TG: variants seen among roughly 807,000 people sequenced by gnomAD.
TG encodes the protein thyroglobulin.
In TG, 270 loss-of-function variants were observed where a neutral mutation model predicts 324.7. The ratio of observed to expected loss-of-function variants is 0.83; its 90% CI spans 0.75 to 0.92. The LOEUF is 0.92. Ranked by LOEUF, TG falls within the 40% of genes least tolerant of loss-of-function variation. TG has a pLI of 0.00. For synonymous variants in TG, 1,401 were observed against 1,327.0 expected (o/e 1.06, Z -1.21); for missense variants, 3,591 against 3,456.4 (o/e 1.04, Z -0.98).
chr8:132,894,046 G>A (rs1405263558), intron 11 of TG, 117 bp downstream of exon 11: 12 of 1,530,782 alleles, frequency 7.8e-6, no homozygotes, highest in African/African-American at 2.7e-5. Context: ...AGACTGATGG[G>A]TTCTTGGGAA....
chr8:132,913,252 C>A lies in TG; in HGVS notation c.4365C>A (p.Asp1455Glu). The A allele has an allele frequency of 6.2e-7, 1 of 1,614,110 alleles. No individual in the cohort carries two copies. Among genetic ancestry groups the A allele is most frequent in the Non-Finnish European group, 8.5e-7 (1 of 1,180,008 alleles). The change falls in exon 20 of 48, where the codon GAC becomes GAA. Residue 1455 changes from aspartate (D) to glutamate (E), a missense_variant. By Grantham distance (45) the Asp-to-Glu change is conservative. Coordinates refer to ENST00000220616, the MANE Select transcript of TG (RefSeq NM_003235.5). ...TCTTGACAAGTGAGGCCAGTCAGGA[C>A]GGACTGGGATGCGGTAGGTCCACTC... ...YQVLTSEASQ[D>E]GLGCVKCPEG... is the part of the protein sequence containing the mutation.
At chr8:133,125,971 A>G (rs1231778023) in intron 45 of TG, among the ~76,000 whole-genome samples, 4 of 152,266 alleles carry the variant, frequency 2.6e-5, no homozygotes, top group East Asian at 1.9e-4. Context: ...TCACTGAAAC[A>G]TCAGTTATCT....
At chr8:133,128,337 G>GACACACACA (rs1554730498) in intron 45 of TG, among the ~76,000 whole-genome samples, 1 of 133,728 alleles carries the variant, frequency 7.5e-6, no homozygotes, top group Non-Finnish European at 1.6e-5. Flanking sequence ...CAAAAGGCGT[G>GACACACACA]CACACACACA....
At chr8:133,102,438 C>T (rs964845219) in intron 43 of TG, 32 of 897,114 alleles carry the variant, frequency 3.6e-5, no homozygotes, top group Middle Eastern at 3.0e-4. Flanking sequence ...AGACCAAAGA[C>T]GGAGGGTGGG....
intron 41 of TG, among the ~76,000 whole-genome samples, chr8:133,084,597 A>G (rs1452410007): frequency 6.6e-6 from 1 of 152,228 alleles, no homozygotes; most frequent in East Asian, 1.9e-4. Context: ...ATTAGGCTTC[A>G]TGTTTGTAAC....
At chr8:132,993,242 G>C (rs1832547302) in intron 35 of TG, among the ~76,000 whole-genome samples, 1 of 152,192 alleles carries the variant, frequency 6.6e-6, no homozygotes, top group Non-Finnish European at 1.5e-5. Flanking sequence ...AACTTTTGTT[G>C]AAGAAATGAA....
chr8:132,913,323 G>C (rs1819803801), intron 20 of TG, 58 bp downstream of exon 20: 1 of 1,549,946 alleles, frequency 6.5e-7, no homozygotes, highest in African/African-American at 1.4e-5. Context: ...TTTAGGAAAG[G>C]CCACCTCAGC....
At chr8:133,085,599 C>G (rs1469644249) in intron 41 of TG, among the ~76,000 whole-genome samples, 1 of 152,014 alleles carries the variant, frequency 6.6e-6, no homozygotes. Context: ...ATAAGCATAG[C>G]AAAAGATTCT....
chr8:133,123,629 G>A (rs1851308069), intron 45 of TG, among the ~76,000 whole-genome samples: 2 of 152,104 alleles, frequency 1.3e-5, no homozygotes, highest in Admixed American at 6.6e-5. Flanking sequence ...GGCCTTTAAA[G>A]GTCCAGGTAT....
intron 41 of TG, among the ~76,000 whole-genome samples, chr8:133,058,795 G>T (rs1431676221): frequency 2.0e-5 from 3 of 152,218 alleles, no homozygotes; most frequent in African/African-American, 7.2e-5. Context: ...CTTGTCATCT[G>T]GTTCCACCTC....
chr8:133,039,170 C>T lies in TG; in HGVS notation c.7239+9147C>T, dbSNP rs76312759. Among the ~76,000 whole-genome samples, 20 of 152,324 alleles carry T rather than the reference C, an allele frequency of 1.3e-4. No individual in the cohort carries two copies. The East Asian group carries it at 2.1e-3, about 16-fold the overall frequency. On this transcript the variant is annotated intron_variant, in intron 41 of 47. Transcript: ENST00000220616. Reference sequence around the variant, plus strand: ...CTGGGGTTACAGGCGTGAGCCACCGCGCCTGGCCCTAACTTACTATTCTAG... The same window carrying T: ...CTGGGGTTACAGGCGTGAGCCACCGTGCCTGGCCCTAACTTACTATTCTAG...
At chr8:133,036,403 T>G (rs1055894432) in intron 41 of TG, among the ~76,000 whole-genome samples, 1 of 152,216 alleles carries the variant, frequency 6.6e-6, no homozygotes, top group Non-Finnish European at 1.5e-5. Flanking sequence ...AGAAAGAAAT[T>G]CTTGGAAGAA....
At chr8:132,893,003 T>A (rs1454831996) in intron 10 of TG, among the ~76,000 whole-genome samples, 1 of 143,534 alleles carries the variant, frequency 7.0e-6, no homozygotes, top group African/African-American at 2.6e-5. Flanking sequence ...GGTGTGTATG[T>A]GGGTGGTGTG....
intron 44 of TG, 99 bp downstream of exon 44, chr8:133,113,702 T>C (rs1850459177): frequency 7.2e-7 from 1 of 1,389,108 alleles, no homozygotes; most frequent in Admixed American, 2.0e-5. Context: ...GGCACGTGGC[T>C]TTGTGCTTGA....
intron 5 of TG, among the ~76,000 whole-genome samples, chr8:132,873,737 T>C (rs779143054): frequency 1.3e-5 from 2 of 152,162 alleles, no homozygotes; most frequent in African/African-American, 2.4e-5. Context: ...GCAAAAAGAT[T>C]CTTTATTTGT....
intron 41 of TG, chr8:133,073,072 T>C (rs962728920): frequency 1.3e-5 from 2 of 152,256 alleles, no homozygotes; most frequent in Non-Finnish European, 1.5e-5. Flanking sequence ...CATGTAAACT[T>C]CTTTCAAACA....
chr8:133,116,536 G>A, intron 44 of TG, 73 bp from the exon 45 acceptor site: 1 of 1,433,248 alleles, frequency 7.0e-7, no homozygotes, highest in Non-Finnish European at 9.8e-7. Flanking sequence ...CTTGCTGGGA[G>A]AAGCCCTTTC....
intron 41 of TG, among the ~76,000 whole-genome samples, chr8:133,068,030 G>A: frequency 6.6e-6 from 1 of 152,138 alleles, no homozygotes; most frequent in Middle Eastern, 3.2e-3. Flanking sequence ...CTGGGGCTGG[G>A]GGCTCAGCTC....
rs544664847 is a variant in TG, at chr8:132,985,109, G to A, written c.6262+1697G>A. ...TGGCCTGCTCTATGTGGGTTCCATA[G>A]CCGTGTGTTCAACGACACATAGATC... On this transcript the variant is annotated intron_variant, in intron 35 of 47. Transcript: ENST00000220616. 3.3e-4 allele frequency among the ~76,000 whole-genome samples: 50 copies of A among 152,198 alleles called. No individual in the cohort carries two copies. In the South Asian group the frequency reaches 8.5e-3, roughly 26 times the overall value.
Sources: allele counts gnomAD v4.1 joint callset (sites outside exome capture counted in the v4.1 genomes callset), GRCh38; gene constraint gnomAD v4.1.1; transcripts MANE v1.5; gene names NCBI Gene and HGNC (gene_info 2026-07-23, HGNC 2026-07-21).